The following GALNTL6 variants were observed in gnomAD, a reference collection of about 807,000 sequenced individuals.
GALNTL6 encodes polypeptide N-acetylgalactosaminyltransferase-like 6.
Under a neutral mutation model 73.7 loss-of-function variants are expected in GALNTL6, and 46 were observed. The observed-to-expected ratio is 0.62, with a 90% CI of 0.49 to 0.80. GALNTL6 has a LOEUF of 0.80. GALNTL6 is among the 30% of genes least tolerant of loss of function. The probability of loss-of-function intolerance (pLI) is 0.00; values close to 1 mark genes in which losing one functional copy is unlikely to be tolerated. For synonymous variants in GALNTL6, 259 were observed against 263.7 expected (o/e 0.98, Z 0.17); for missense variants, 604 against 755.0 (o/e 0.80, Z 2.34).
chr4:172,057,877 A>C (rs1183107704), intron 2 of GALNTL6, among the ~76,000 whole-genome samples: 2 of 151,428 alleles, frequency 1.3e-5, no homozygotes, highest in Non-Finnish European at 2.9e-5. Flanking sequence ...ACGATTTATT[A>C]TGTGGATACA....
chr4:172,531,767 C>G (rs1054513692), intron 5 of GALNTL6, among the ~76,000 whole-genome samples: 1 of 152,182 alleles, frequency 6.6e-6, no homozygotes, highest in Admixed American at 6.5e-5. Context: ...CACACCTTTC[C>G]ATGCCTAGGC....
intron 2 of GALNTL6, among the ~76,000 whole-genome samples, chr4:172,177,759 GTATATATA>G (rs1195293178): frequency 3.9e-5 from 3 of 75,964 alleles, no homozygotes; most frequent in Non-Finnish European, 8.7e-5. Context: ...ATATATGTGT[GTATATATA>G]TGTACACATA....
At chr4:172,328,902 T>C (rs1741030351) in intron 4 of GALNTL6, among the ~76,000 whole-genome samples, 2 of 152,184 alleles carry the variant, frequency 1.3e-5, no homozygotes, top group Non-Finnish European at 2.9e-5. Context: ...CTTGGAAAAC[T>C]AGTGGAGTTG....
intron 9 of GALNTL6, among the ~76,000 whole-genome samples, chr4:172,935,467 C>T (rs1041475360): frequency 1.3e-5 from 2 of 151,832 alleles, no homozygotes; most frequent in African/African-American, 4.8e-5. Flanking sequence ...ACCAAAAAAC[C>T]TTCAAAAAAA....
At position 172,154,180 on chromosome 4, in the gene GALNTL6, A is replaced by G. The variant is rs1190113332; in HGVS notation, c.139-75476A>G. ...GAGTTTTTTTTTTTTTTCGTTTTCC[A>G]TAACTAAAATGAAACCCTGTAAAGG... On this transcript the variant is annotated intron_variant, in intron 2 of 12. Coordinates refer to ENST00000506823, the MANE Select transcript of GALNTL6 (RefSeq NM_001034845.3). Among the ~76,000 whole-genome samples the G allele has an allele frequency of 2.1e-5, 3 of 142,542 alleles. No individual in the cohort carries two copies. The East Asian group carries it at 6.0e-4, about 29-fold the overall frequency. The allele number at this position is 142,542 out of a possible 152,430, so 93.5% of individuals were successfully genotyped here.
intron 5 of GALNTL6, among the ~76,000 whole-genome samples, chr4:172,690,809 C>A (rs1733235595): frequency 6.6e-6 from 1 of 152,120 alleles, no homozygotes; most frequent in African/African-American, 2.4e-5. Context: ...TAACTTAATT[C>A]TACTGGAATA....
chr4:172,177,567 A>C (rs1735037803), intron 2 of GALNTL6, among the ~76,000 whole-genome samples: 1 of 151,988 alleles, frequency 6.6e-6, no homozygotes, highest in Admixed American at 6.6e-5. Context: ...TAGTTGAATG[A>C]CACATTTGAT....
intron 5 of GALNTL6, among the ~76,000 whole-genome samples, chr4:172,806,948 T>G (rs1289978240): frequency 2.0e-5 from 3 of 152,220 alleles, no homozygotes; most frequent in Non-Finnish European, 4.4e-5. Flanking sequence ...ATATTTATTA[T>G]TGTGGGTAAT....
At chr4:172,278,586 G>A (rs1738915432) in intron 3 of GALNTL6, among the ~76,000 whole-genome samples, 1 of 151,794 alleles carries the variant, frequency 6.6e-6, no homozygotes, top group Admixed American at 6.6e-5. Context: ...TATCCTTTTG[G>A]ATTTACTCCT....
At chr4:172,982,901 T>C (rs1421843791) in intron 10 of GALNTL6, among the ~76,000 whole-genome samples, 1 of 152,136 alleles carries the variant, frequency 6.6e-6, no homozygotes, top group Non-Finnish European at 1.5e-5. Context: ...AACTATCACA[T>C]GTTCTCACTC....
rs374141832 is a variant in GALNTL6, at chr4:172,019,440, G to C, written c.138+204722G>C. ...ATGAGAAACACACTTCACCTATAAA[G>C]TTACAAACAGACTGACAATAAAGGA... is the stretch of plus-strand genomic sequence containing the variant. On this transcript the variant is annotated intron_variant, in intron 2 of 12. Transcript: ENST00000506823. 2.6e-5 allele frequency among the ~76,000 whole-genome samples: 4 copies of C among 151,786 alleles called. No homozygotes were observed. The East Asian group carries it at 5.8e-4, about 22-fold the overall frequency.
At chr4:172,679,937 T>C (rs1732535564) in intron 5 of GALNTL6, among the ~76,000 whole-genome samples, 1 of 152,212 alleles carries the variant, frequency 6.6e-6, no homozygotes, top group Non-Finnish European at 1.5e-5. Flanking sequence ...GATTACTTTT[T>C]TTTTTCATTT....
chr4:172,341,376 G>A (rs893923634), intron 4 of GALNTL6, among the ~76,000 whole-genome samples: 90 of 144,892 alleles, frequency 6.2e-4, no homozygotes, highest in African/African-American at 2.2e-3. Context: ...GCGTGAACCC[G>A]GGAGGCGGAG....
At chr4:172,533,965 A>T (rs979980161) in intron 5 of GALNTL6, among the ~76,000 whole-genome samples, 1 of 152,196 alleles carries the variant, frequency 6.6e-6, no homozygotes, top group Admixed American at 6.5e-5. Flanking sequence ...CCAGAAACAG[A>T]TCCTGAGACA....
At chr4:171,935,903 G>A (rs191099769) in intron 2 of GALNTL6, among the ~76,000 whole-genome samples, 4 of 152,174 alleles carry the variant, frequency 2.6e-5, no homozygotes, top group South Asian at 2.1e-4. Flanking sequence ...ACCTAGTCAG[G>A]GTTAAAAATT....
At chr4:172,912,117 A>C (rs1051268945) in intron 8 of GALNTL6, among the ~76,000 whole-genome samples, 5 of 152,240 alleles carry the variant, frequency 3.3e-5, no homozygotes, top group African/African-American at 1.2e-4. Context: ...AGGTATTTGT[A>C]CAGAAAGTTT....
chr4:172,138,515 T>TATATATA (rs1560938392), intron 2 of GALNTL6, among the ~76,000 whole-genome samples: 14 of 6,242 alleles, frequency 2.2e-3, no homozygotes, highest in Non-Finnish European at 2.4e-3. Context: ...ATATATATAT[T>TATATATA]TTTTTTTTTT....
intron 10 of GALNTL6, among the ~76,000 whole-genome samples, chr4:172,988,760 T>C (rs562175301): frequency 5.3e-5 from 8 of 152,218 alleles, no homozygotes; most frequent in African/African-American, 1.4e-4. Context: ...GCTCCTGCTA[T>C]AGCTAAAAGG....
chr4:172,459,064 G>A (rs1732514150), intron 5 of GALNTL6, among the ~76,000 whole-genome samples: 1 of 151,956 alleles, frequency 6.6e-6, no homozygotes, highest in South Asian at 2.1e-4. Flanking sequence ...TCAACATACG[G>A]AAATCAATAA....
Sources: gnomAD v4.1 joint callset for allele counts (sites outside exome capture counted in the v4.1 genomes callset) on GRCh38, gnomAD v4.1.1 for gene constraint, MANE v1.5 for transcripts, NCBI Gene and HGNC (gene_info 2026-07-23, HGNC 2026-07-21) for gene names.